Variants in PLPPR1 observed in about 807,000 individuals in gnomAD.
PLPPR1 encodes the protein phospholipid phosphatase related 1.
A neutral mutation model predicts 33.1 loss-of-function variants in PLPPR1; 10 were observed. That is an observed-to-expected ratio of 0.30 (90% CI 0.19 to 0.51). The LOEUF (loss-of-function observed/expected upper bound fraction) is 0.51, where lower values mean the gene tolerates loss of function less well. Ranked by LOEUF, PLPPR1 falls within the 20% of genes least tolerant of loss-of-function variation. PLPPR1 has a pLI of 0.97. For missense variants in PLPPR1, 304 were observed against 408.1 expected, an observed-to-expected ratio of 0.74 and a Z score of 2.20; for synonymous variants, 151 against 151.0, an observed-to-expected ratio of 1.00 and a Z score of 0.00.
At chr9:101,091,765 T>A (rs1830744650) in intron 1 of PLPPR1, among the ~76,000 whole-genome samples, 1 of 152,216 alleles carries the variant, frequency 6.6e-6, no homozygotes, top group Admixed American at 6.5e-5. Context: ...ACCATACCTT[T>A]CTTAGCTAAT....
At chr9:101,198,198 TG>T (rs527525147) in intron 2 of PLPPR1, among the ~76,000 whole-genome samples, 234 of 152,326 alleles carry the variant, frequency 1.5e-3, no homozygotes, top group Admixed American at 2.2e-3. Context: ...TCAGTCTTTG[TG>T]GTGCATGTAC....
intron 1 of PLPPR1, among the ~76,000 whole-genome samples, chr9:101,126,300 A>G (rs1831245955): frequency 6.6e-6 from 1 of 152,178 alleles, no homozygotes; most frequent in South Asian, 2.1e-4. Context: ...ATCAGAACCA[A>G]TCATTCCTGT....
chr9:101,217,011 T>C (rs1826811800), intron 2 of PLPPR1, among the ~76,000 whole-genome samples: 1 of 152,148 alleles, frequency 6.6e-6, no homozygotes, highest in Non-Finnish European at 1.5e-5. Context: ...AAGCAATGAA[T>C]AAGGAAAATA....
intron 1 of PLPPR1, among the ~76,000 whole-genome samples, chr9:101,174,977 C>A (rs1825996515): frequency 6.6e-6 from 1 of 152,170 alleles, no homozygotes; most frequent in African/African-American, 2.4e-5. Flanking sequence ...AGAGTTTGTG[C>A]ATAATGAGCT....
At chr9:101,251,210 G>A (rs910001045) in intron 2 of PLPPR1, among the ~76,000 whole-genome samples, 12 of 151,998 alleles carry the variant, frequency 7.9e-5, no homozygotes, top group African/African-American at 2.9e-4. Context: ...CTTCATTTTT[G>A]TGCACTGTTG....
intron 2 of PLPPR1, among the ~76,000 whole-genome samples, chr9:101,218,321 T>G (rs1826848086): frequency 6.6e-6 from 1 of 152,266 alleles, no homozygotes; most frequent in East Asian, 1.9e-4. Flanking sequence ...TAAAAACTAT[T>G]GTATGCATAA....
rs1828917560 is a variant in PLPPR1 at position 101,309,475 on chromosome 9, T to C, written c.636+14T>C. 2 of 1,611,764 alleles carry C rather than the reference T, an allele frequency of 1.2e-6. No individual in the cohort carries two copies. The highest frequency in any genetic ancestry group is 1.3e-5 in the African/African-American group (1 of 74,872). On this transcript the variant is annotated intron_variant, in intron 5 of 7. Transcript: ENST00000374874. ...TTATATGCCACGGTGAGTGTGCAAG[T>C]CTTGTCTCTCCTAAGTCCAGTTTTT...
chr9:101,051,209 C>T (rs1830217393), intron 1 of PLPPR1, among the ~76,000 whole-genome samples: 1 of 151,758 alleles, frequency 6.6e-6, no homozygotes, highest in South Asian at 2.1e-4. Flanking sequence ...TAAGTTTTTA[C>T]CCATATCCTC....
At chr9:101,253,539 T>A (rs577064357) in intron 2 of PLPPR1, among the ~76,000 whole-genome samples, 2 of 151,760 alleles carry the variant, frequency 1.3e-5, no homozygotes, top group South Asian at 4.2e-4. Context: ...AGACTTTGTC[T>A]CCAAAAATAA....
At chr9:101,225,450 A>G (rs986346349) in intron 2 of PLPPR1, among the ~76,000 whole-genome samples, 3 of 152,140 alleles carry the variant, frequency 2.0e-5, no homozygotes, top group African/African-American at 7.2e-5. Context: ...GCTCATTCCA[A>G]TTCCACATAG....
At chr9:101,192,502 TA>T (rs1309124796) in intron 2 of PLPPR1, among the ~76,000 whole-genome samples, 1 of 151,946 alleles carries the variant, frequency 6.6e-6, no homozygotes, top group Admixed American at 6.6e-5. Context: ...GAAATGGAAA[TA>T]AAAATGACTT....
intron 2 of PLPPR1, among the ~76,000 whole-genome samples, chr9:101,217,950 T>C (rs1394794394): frequency 6.6e-6 from 1 of 152,060 alleles, no homozygotes; most frequent in Non-Finnish European, 1.5e-5. Context: ...AAGAACACAT[T>C]TGAAGAATTA....
At chr9:101,073,685 G>A (rs1248647648) in intron 1 of PLPPR1, among the ~76,000 whole-genome samples, 1 of 152,054 alleles carries the variant, frequency 6.6e-6, no homozygotes, top group Non-Finnish European at 1.5e-5. Flanking sequence ...TATATTCTCT[G>A]GTTAAAATCC....
intron 2 of PLPPR1, among the ~76,000 whole-genome samples, chr9:101,212,847 C>A (rs1826714707): frequency 6.6e-6 from 1 of 152,178 alleles, no homozygotes; most frequent in African/African-American, 2.4e-5. Context: ...GTGTAATTCT[C>A]TTCCTCACTG....
rs551725875 is a variant in PLPPR1, at chr9:101,269,145, C to T, written c.64-735C>T. Among the ~76,000 whole-genome samples the T allele has an allele frequency of 4.5e-4, 68 of 151,970 alleles. 1 individual carries two copies. Among genetic ancestry groups the T allele is most frequent in the African/African-American group, 1.4e-3 (60 of 41,482 alleles). Reference sequence around the variant, plus strand: ...CCTGCTAAAAACTATATCTAAACTTCGGTGAGTATCTAGGACATCTGAGTC... The same window carrying T: ...CCTGCTAAAAACTATATCTAAACTTTGGTGAGTATCTAGGACATCTGAGTC... On this transcript the variant is annotated intron_variant, in intron 2 of 7. Coordinates refer to ENST00000374874, the MANE Select transcript of PLPPR1 (RefSeq NM_207299.2).
At chr9:101,071,191 C>T (rs1300104038) in intron 1 of PLPPR1, among the ~76,000 whole-genome samples, 3 of 151,954 alleles carry the variant, frequency 2.0e-5, no homozygotes. Flanking sequence ...CATTTGAGGT[C>T]TTCTTAGGAA....
intron 2 of PLPPR1, among the ~76,000 whole-genome samples, chr9:101,225,740 A>G (rs62576894): frequency 1.0e-4 from 6 of 60,104 alleles, no homozygotes; most frequent in African/African-American, 4.2e-4. Context: ...CCACCCCACC[A>G]CCACCCCCAC....
At chr9:101,060,174 A>T (rs540192585) in intron 1 of PLPPR1, among the ~76,000 whole-genome samples, 1 of 152,068 alleles carries the variant, frequency 6.6e-6, no homozygotes, top group Non-Finnish European at 1.5e-5. Context: ...TCGCAACAAG[A>T]TGGATGAACC....
intron 1 of PLPPR1, among the ~76,000 whole-genome samples, chr9:101,066,014 ATCTG>A (rs1830408682): frequency 6.6e-6 from 1 of 151,984 alleles, no homozygotes; most frequent in Admixed American, 6.6e-5. Flanking sequence ...CTTAATTTTT[ATCTG>A]TCTGCTTTCT....
Sources: gnomAD v4.1 joint callset for allele counts (sites outside exome capture counted in the v4.1 genomes callset) on GRCh38, gnomAD v4.1.1 for gene constraint, MANE v1.5 for transcripts, NCBI Gene and HGNC (gene_info 2026-07-23, HGNC 2026-07-21) for gene names.